The following TEKT1 variants were observed in gnomAD, a reference collection of about 807,000 sequenced individuals.
TEKT1 encodes the protein tektin-1.
A neutral mutation model predicts 34.8 loss-of-function variants in TEKT1; 32 were observed. The ratio of observed to expected loss-of-function variants is 0.92; its 90% CI spans 0.69 to 1.23. The LOEUF (loss-of-function observed/expected upper bound fraction) is 1.23. Ranked by LOEUF, TEKT1 falls within the 50% of genes most tolerant of loss-of-function variation. The probability of loss-of-function intolerance (pLI) is 0.00; values close to 1 mark genes in which losing one functional copy is unlikely to be tolerated. For synonymous variants in TEKT1, 207 were observed against 199.8 expected (o/e 1.04, Z -0.30); for missense variants, 492 against 518.5 (o/e 0.95, Z 0.50).
At chr17:6,804,068 A>G (rs369862104) in intron 6 of TEKT1, among the ~76,000 whole-genome samples, 16 of 152,136 alleles carry the variant, frequency 1.1e-4, no homozygotes, top group African/African-American at 2.7e-4. Flanking sequence ...CCATTTTCAT[A>G]ATATTGATTC....
chr17:6,829,322 TG>T (rs1904496544), intron 2 of TEKT1, among the ~76,000 whole-genome samples: 1 of 152,194 alleles, frequency 6.6e-6, no homozygotes, highest in African/African-American at 2.4e-5. Flanking sequence ...ACCTGTCCCT[TG>T]GTATCCTCAG....
chr17:6,816,105 T>C, intron 3 of TEKT1, 143 bp from the exon 4 acceptor site: 1 of 1,167,574 alleles, frequency 8.6e-7, no homozygotes, highest in Non-Finnish European at 1.2e-6. Context: ...GGGTGACAGA[T>C]ATTAGTTGGT....
At chr17:6,828,014 G>A (rs577241377) in intron 2 of TEKT1, among the ~76,000 whole-genome samples, 2 of 151,844 alleles carry the variant, frequency 1.3e-5, no homozygotes, top group Admixed American at 6.5e-5. Context: ...GCACGATCTC[G>A]GCTCACTGCA....
chr17:6,802,903 G>C (rs1284668932), intron 6 of TEKT1, among the ~76,000 whole-genome samples: 1 of 152,100 alleles, frequency 6.6e-6, no homozygotes, highest in Non-Finnish European at 1.5e-5. Flanking sequence ...ATTGTGAATA[G>C]TGCCACAATA....
At chr17:6,821,486 C>A (rs1977090015) in intron 2 of TEKT1, among the ~76,000 whole-genome samples, 1 of 152,198 alleles carries the variant, frequency 6.6e-6, no homozygotes, top group South Asian at 2.1e-4. Context: ...GTCGATTAAA[C>A]CTCTTTCCTT....
rs200736090 is a variant in TEKT1, at chr17:6,815,318, A to T, written c.486-12T>A. On this transcript the variant is annotated splice_polypyrimidine_tract_variant and intron_variant, in intron 4 of 7. Transcript: ENST00000338694. ...CAGAGCGGTTCATCCTGAAGGGAGA[A>T]AGTAAACTGGGTTTCTGCCTCTGGA... 5.0e-4 allele frequency: 812 copies of T among 1,614,176 alleles called. 1 individual carries two copies. The Middle Eastern group carries it at 6.4e-3, about 13-fold the overall frequency.
chr17:6,826,014 C>A (rs1358197210), intron 2 of TEKT1, among the ~76,000 whole-genome samples: 6 of 152,238 alleles, frequency 3.9e-5, no homozygotes, highest in Non-Finnish European at 7.3e-5. Context: ...GTAGTCAATA[C>A]TGCCAAAGCT....
At chr17:6,803,982 T>C (rs1254296522) in intron 6 of TEKT1, among the ~76,000 whole-genome samples, 1 of 152,160 alleles carries the variant, frequency 6.6e-6, no homozygotes, top group Non-Finnish European at 1.5e-5. Context: ...AGTAGTTTTT[T>C]CCAATTCAGT....
intron 5 of TEKT1, among the ~76,000 whole-genome samples, chr17:6,814,577 G>A (rs534071612): frequency 1.3e-5 from 2 of 152,182 alleles, no homozygotes; most frequent in Non-Finnish European, 2.9e-5. Context: ...GGTGGCTCAC[G>A]CCTGTAATCC....
Position 6,811,429 on chromosome 17 carries a change from C to G in TEKT1, c.852+1402G>C, listed in dbSNP as rs1020429598. On this transcript the variant is annotated intron_variant, in intron 6 of 7. Transcript: ENST00000338694. This position sits in a 1 kb window ranked among gnomAD's most constrained non-coding sequence, Gnocchi z 4.4. ...AGACTATTGTTTCTCCCCATTTTATCAAGGAGGAAACTAAGGAACAGGGGA... is the reference window on the plus strand; with the variant it reads ...AGACTATTGTTTCTCCCCATTTTATGAAGGAGGAAACTAAGGAACAGGGGA... 2.6e-5 allele frequency among the ~76,000 whole-genome samples: 4 copies of G among 151,888 alleles called. No individual in the cohort carries two copies. The highest frequency in any genetic ancestry group is 4.4e-5 in the Non-Finnish European group (3 of 68,000).
intron 6 of TEKT1, among the ~76,000 whole-genome samples, chr17:6,805,097 AT>A (rs1355600421): frequency 6.6e-6 from 1 of 151,686 alleles, no homozygotes. Flanking sequence ...TGGTCCTGGA[AT>A]TTTTTTTGGT....
At chr17:6,801,713 AAAAAG>A (rs765302946) in intron 6 of TEKT1, among the ~76,000 whole-genome samples, 1 of 152,242 alleles carries the variant, frequency 6.6e-6, no homozygotes, top group Non-Finnish European at 1.5e-5. Context: ...GCCTCAGAAA[AAAAAG>A]AAAAGAAAAG....
chr17:6,831,218 TTC>T (rs1904564955), intron 1 of TEKT1, among the ~76,000 whole-genome samples: 1 of 152,094 alleles, frequency 6.6e-6, no homozygotes, highest in Admixed American at 6.5e-5. Context: ...AATTACCCAT[TTC>T]ATCTTCATAC....
In TEKT1 at chr17:6,827,399, T is replaced by G. The variant is rs140964337; in HGVS notation, c.190+2788A>C. Among the ~76,000 whole-genome samples the G allele has an allele frequency of 4.5e-3, 687 of 151,618 alleles. 10 individuals carry two copies. The highest frequency in any genetic ancestry group is 0.014 in the African/African-American group (592 of 41,306). ...ACCTCAGCCTCCTGAGTAGCTGGGA[T>G]TACAGGCACCCACCACCATGCCCAG... On this transcript the variant is annotated intron_variant, in intron 2 of 7. Transcript: ENST00000338694.
chr17:6,815,374 G>C lies in TEKT1; in HGVS notation c.486-68C>G. 8 of 1,600,690 alleles carry C rather than the reference G, an allele frequency of 5.0e-6. No homozygotes were observed. The East Asian group carries it at 1.8e-4, about 36-fold the overall frequency. On this transcript the variant is annotated intron_variant, in intron 4 of 7. Coordinates refer to ENST00000338694, the MANE Select transcript of TEKT1 (RefSeq NM_053285.2). ...CAGGTGGCACCCACGTCCTCAGAGA[G>C]GTCCTGGAAAGTGAAGCTGCAGCTA...
chr17:6,823,797 C>T (rs994225562), intron 2 of TEKT1, among the ~76,000 whole-genome samples: 4 of 150,286 alleles, frequency 2.7e-5, no homozygotes, highest in African/African-American at 9.8e-5. Context: ...AAGACTTCCT[C>T]GCCTGTGAAA....
In TEKT1 at chr17:6,798,113, G is replaced by T. The variant is rs897571687; in HGVS notation, c.*1914C>A. Reference sequence around the variant, plus strand: ...TTTCCCTTAAAAGCAGCATGTTCCAGACACTGTGTTGAGAGTCTTCCACAC... The same window carrying T: ...TTTCCCTTAAAAGCAGCATGTTCCATACACTGTGTTGAGAGTCTTCCACAC... On this transcript the variant is annotated 3_prime_UTR_variant, in exon 8 of 8. Transcript: ENST00000338694. 5.9e-5 allele frequency: 9 copies of T among 152,328 alleles called. No individual in the cohort carries two copies. The highest frequency in any genetic ancestry group is 2.2e-4 in the African/African-American group (9 of 41,574). 9.4% of individuals were successfully genotyped at this position (152,328 alleles called of 1,614,324 possible).
At chr17:6,803,405 A>G (rs941488916) in intron 6 of TEKT1, among the ~76,000 whole-genome samples, 6 of 152,084 alleles carry the variant, frequency 3.9e-5, no homozygotes, top group East Asian at 3.8e-4. Context: ...TCCATTCTGC[A>G]GGTTGCCTGT....
chr17:6,799,853 C>T lies in TEKT1; in HGVS notation c.*174G>A. 1 of 570,322 alleles carries T rather than the reference C, an allele frequency of 1.8e-6. No individual in the cohort carries two copies. Among genetic ancestry groups the T allele is most frequent in the East Asian group, 3.0e-5 (1 of 33,598 alleles). The allele number at this position is 570,322 out of a possible 1,614,324, so 35.3% of individuals were successfully genotyped here. A position where few individuals can be genotyped will look rare whatever the true frequency, so the allele number is the denominator to read the frequency against. ...GTTGAATTGTTAGGCAAACACCACACCAGCATAAGAGAAGAAACTCGCCCC... is the reference window on the plus strand; with the variant it reads ...GTTGAATTGTTAGGCAAACACCACATCAGCATAAGAGAAGAAACTCGCCCC... On this transcript the variant is annotated 3_prime_UTR_variant, in exon 8 of 8. Transcript: ENST00000338694.
Sources: allele counts gnomAD v4.1 joint callset (sites outside exome capture counted in the v4.1 genomes callset), GRCh38; gene constraint gnomAD v4.1.1; non-coding constraint Gnocchi (gnomAD v3.1); transcripts MANE v1.5; gene names NCBI Gene and HGNC (gene_info 2026-07-23, HGNC 2026-07-21).